Variants in EDNRB observed in about 807,000 individuals in gnomAD.
The protein encoded by EDNRB is Hirschsprung disease 2.
EDNRB carries 18 observed loss-of-function variants against 46.4 expected under a neutral mutation model. That is an observed-to-expected ratio of 0.39 (90% CI 0.27 to 0.57). EDNRB has a LOEUF of 0.57. Among genes scored for constraint, EDNRB ranks in the 20% least tolerant of loss-of-function variants. EDNRB has a pLI of 0.61. For synonymous variants in EDNRB, 213 were observed against 204.9 expected (o/e 1.04, Z -0.34); for missense variants, 434 against 537.5 (o/e 0.81, Z 1.90).
At chr13:77,922,412 T>C (rs1170894347), upstream of EDNRB, among the ~76,000 whole-genome samples, 1 of 152,164 alleles carries the variant, frequency 6.6e-6, no homozygotes, top group Non-Finnish European at 1.5e-5. Flanking sequence ...AGAAAAGCCC[T>C]TTTAGCCACA....
intron 1 of EDNRB, among the ~76,000 whole-genome samples, chr13:77,943,514 G>GAA (rs1166009130): frequency 2.0e-5 from 3 of 152,026 alleles, no homozygotes; most frequent in African/African-American, 4.8e-5. Context: ...AAGTACTACT[G>GAA]CTTCTGATTT....
chr13:77,952,754 A>G (rs1881127475), intron 1 of EDNRB, among the ~76,000 whole-genome samples: 1 of 152,190 alleles, frequency 6.6e-6, no homozygotes, highest in East Asian at 1.9e-4. Context: ...CCTGGACCTA[A>G]GATGTTGTTT....
chr13:77,962,193 C>T (rs776962727), intron 1 of EDNRB, among the ~76,000 whole-genome samples: 1 of 152,130 alleles, frequency 6.6e-6, no homozygotes, highest in African/African-American at 2.4e-5. Context: ...CCGAATTCTA[C>T]CAGAGGTACA....
chr13:77,967,014 A>C (rs1881601628), intron 1 of EDNRB, among the ~76,000 whole-genome samples: 1 of 152,232 alleles, frequency 6.6e-6, no homozygotes, highest in South Asian at 2.1e-4. Context: ...TTGTTTCCAA[A>C]GAAGTACTGA....
Position 77,918,822 on chromosome 13 carries a change from T to A in EDNRB, c.-249A>T. 7.7e-7 allele frequency: 1 copy of A among 1,301,920 alleles called. No homozygotes were observed. The highest frequency in any genetic ancestry group is 9.7e-7 in the Non-Finnish European group (1 of 1,029,616). The allele number at this position is 1,301,920 out of a possible 1,614,324, so 80.6% of individuals were successfully genotyped here. On this transcript the variant is annotated 5_prime_UTR_variant, in exon 1 of 7. Transcript: ENST00000646607. This position sits in a 1 kb window ranked among gnomAD's most constrained non-coding sequence, Gnocchi z 4.5. Reference sequence around the variant, plus strand: ...AACTCCTTCCTGATGCCCTCTCAGCTGTTTTTCTTCCCCCGCGTGGCCAGG... The same window carrying A: ...AACTCCTTCCTGATGCCCTCTCAGCAGTTTTTCTTCCCCCGCGTGGCCAGG...
chr13:77,903,707 ACT>A, intron 1 of EDNRB, 100 bp from the exon 2 acceptor site: 1 of 987,126 alleles, frequency 1.0e-6, no homozygotes, highest in South Asian at 1.3e-5. Flanking sequence ...AGTAGGATAA[ACT>A]CTGGTTGTCA....
intron 1 of EDNRB, among the ~76,000 whole-genome samples, chr13:77,910,921 G>C (rs2137627494): frequency 6.6e-6 from 1 of 152,096 alleles, no homozygotes; most frequent in Admixed American, 6.6e-5. Flanking sequence ...CATAGAGATA[G>C]AAAACAATTT....
intron 3 of EDNRB, among the ~76,000 whole-genome samples, chr13:77,902,665 C>T (rs772175398): frequency 1.1e-4 from 17 of 151,944 alleles, no homozygotes; most frequent in East Asian, 1.9e-4. Flanking sequence ...TTAGACTGTG[C>T]GGTCCAACCC....
At chr13:77,918,891 T>C (rs898256579), upstream of EDNRB, 34 of 1,246,018 alleles carry the variant, frequency 2.7e-5, no homozygotes, top group Non-Finnish European at 7.0e-6. The surrounding 1 kb of genome is among the most constrained non-coding windows in gnomAD (Gnocchi z 4.5). Flanking sequence ...CTGGAAGGGG[T>C]GTGCCAGGGA....
chr13:77,946,396 C>T (rs764055360), intron 1 of EDNRB, among the ~76,000 whole-genome samples: 4 of 152,118 alleles, frequency 2.6e-5, no homozygotes, highest in Admixed American at 6.6e-5. Flanking sequence ...TCATTACTTT[C>T]AATGGTTTAG....
chr13:77,898,243 C>T lies in EDNRB; in HGVS notation c.1286G>A (p.Gly429Glu), dbSNP rs1315670514. 6.2e-7 allele frequency: 1 copy of T among 1,612,030 alleles called. No individual in the cohort carries two copies. The highest frequency in any genetic ancestry group is 1.7e-5 in the Admixed American group (1 of 59,792). ...SCLKFKANDH[G>E]YDNFRSSNKY... Reference sequence around the variant, plus strand: ...ATTACTGGAACGGAAGTTGTCATATCCGTGATCATTAGCTTTGAACTTTAA... The same window carrying T: ...ATTACTGGAACGGAAGTTGTCATATTCGTGATCATTAGCTTTGAACTTTAA... The change falls in exon 7 of 7, where the codon GGA becomes GAA. Residue 429 changes from glycine (G) to glutamate (E), a missense_variant. Physicochemically the swap from Gly to Glu is moderately conservative, Grantham distance 98. Transcript: ENST00000646607.
chr13:77,964,471 C>G (rs1321581610), intron 1 of EDNRB, among the ~76,000 whole-genome samples: 1 of 152,182 alleles, frequency 6.6e-6, no homozygotes, highest in Non-Finnish European at 1.5e-5. Flanking sequence ...AGTTCATGTC[C>G]TTTGTTGAGA....
At position 77,954,580 on chromosome 13, in the gene EDNRB, C is replaced by T. The variant is rs544738260; in HGVS notation, c.-52+20767G>A. On this transcript the variant is annotated intron_variant, in intron 1 of 7. Coordinates refer to the EDNRB transcript ENST00000646948. ...AGGCTGGAGTGTAGTGGCACGATCT[C>T]GGCTCACTGCCATCTTCACCTCCTG... 6.6e-5 allele frequency among the ~76,000 whole-genome samples: 10 copies of T among 151,790 alleles called. No individual in the cohort carries two copies. The South Asian group carries it at 1.7e-3, about 25-fold the overall frequency.
intron 1 of EDNRB, 101 bp from the exon 2 acceptor site, chr13:77,903,708 C>A: frequency 1.0e-6 from 1 of 973,222 alleles, no homozygotes; most frequent in South Asian, 1.3e-5. Context: ...GTAGGATAAA[C>A]TCTGGTTGTC....
intron 1 of EDNRB, among the ~76,000 whole-genome samples, chr13:77,945,804 T>C (rs1367487727): frequency 1.3e-5 from 2 of 151,512 alleles, no homozygotes; most frequent in Non-Finnish European, 2.9e-5. Flanking sequence ...TAAAGGCCTA[T>C]TTCCCTTAGT....
intron 1 of EDNRB, among the ~76,000 whole-genome samples, chr13:77,904,607 T>TTA (rs543330833): frequency 2.6e-5 from 4 of 151,596 alleles, no homozygotes; most frequent in Middle Eastern, 3.4e-3. Context: ...ACATAGTATG[T>TTA]TATATATATA....
At chr13:77,961,417 A>G (rs755614383) in intron 1 of EDNRB, among the ~76,000 whole-genome samples, 1 of 152,122 alleles carries the variant, frequency 6.6e-6, no homozygotes, top group African/African-American at 2.4e-5. Flanking sequence ...GAACAGAAAT[A>G]AGAACCAACA....
In EDNRB at chr13:77,918,461, G is replaced by C; in HGVS notation, c.113C>G (p.Pro38Arg). 6.4e-7 allele frequency: 1 copy of C among 1,560,202 alleles called. No homozygotes were observed. The highest frequency in any genetic ancestry group is 1.4e-5 in the African/African-American group (1 of 73,098). Reference sequence around the variant, plus strand: ...CATTATCTCTGCGGTTTGCAAAAGCGGAGTGGCCCTGTCAGGCGGGAAGCC... The same window carrying C: ...CATTATCTCTGCGGTTTGCAAAAGCCGAGTGGCCCTGTCAGGCGGGAAGCC... ...ERGFPPDRAT[P>R]LLQTAEIMTP... is the part of the protein sequence containing the mutation. Residue 38 changes from proline to arginine, a missense_variant, in exon 1 of 7, where the codon CCG (proline) becomes CGG (arginine). Pro to Arg is a moderately radical substitution (Grantham distance 103). Transcript: ENST00000646607. This position sits in a 1 kb window ranked among gnomAD's most constrained non-coding sequence, Gnocchi z 4.5.
upstream of EDNRB, chr13:77,918,985 G>A (rs1018520173): frequency 1.0e-6 from 1 of 987,836 alleles, no homozygotes; most frequent in South Asian, 4.0e-5. This position sits in a 1 kb window ranked among gnomAD's most constrained non-coding sequence, Gnocchi z 4.5. Context: ...AAGCGTGCGT[G>A]GGAACCGCGG....
Sources: gnomAD v4.1 joint callset for allele counts (sites outside exome capture counted in the v4.1 genomes callset) on GRCh38, gnomAD v4.1.1 for gene constraint, Gnocchi (gnomAD v3.1) non-coding constraint, MANE v1.5 for transcripts, NCBI Gene and HGNC (gene_info 2026-07-23, HGNC 2026-07-21) for gene names.